Variants in OPHN1 observed in about 807,000 individuals in gnomAD.
OPHN1 encodes the protein oligophrenin-1.
Under a neutral mutation model 60.7 loss-of-function variants are expected in OPHN1, and 11 were observed. The observed-to-expected ratio is 0.18, with a 90% CI of 0.11 to 0.30. The LOEUF is 0.30. OPHN1 is among the 10% of genes least tolerant of loss of function. The pLI is 1.00. For synonymous variants in OPHN1, 226 were observed against 222.6 expected (o/e 1.02, Z -0.14); for missense variants, 449 against 611.0 (o/e 0.73, Z 2.80).
intron 20 of OPHN1, among the ~76,000 whole-genome samples, chrX:68,069,201 A>AGCAG (rs1713467063): frequency 8.9e-6 from 1 of 112,242 alleles, no homozygotes; most frequent in African/African-American, 3.2e-5. Flanking sequence ...CAAGTTATTC[A>AGCAG]GCAGGCTAGT....
intron 5 of OPHN1, among the ~76,000 whole-genome samples, chrX:68,238,515 T>C (rs1377965432): frequency 1.8e-5 from 2 of 111,406 alleles, no homozygotes; most frequent in African/African-American, 6.5e-5. Context: ...TGTATAATAT[T>C]AACGAAATCC....
chrX:68,344,016 C>T (rs772252330), intron 2 of OPHN1, among the ~76,000 whole-genome samples: 2 of 111,775 alleles, frequency 1.8e-5, no homozygotes, highest in Non-Finnish European at 3.8e-5. Context: ...GATTCACATA[C>T]ACATTTAAGT....
rs1040563663 is a variant in OPHN1 at position 68,278,068 on chromosome X, A to G, written c.313-3259T>C. Among the ~76,000 whole-genome samples, 3 of 111,868 alleles carry G rather than the reference A, an allele frequency of 2.7e-5. No homozygotes were observed. The Admixed American group carries it at 2.8e-4, about 11-fold the overall frequency. On this transcript the variant is annotated intron_variant, in intron 4 of 24. Transcript: ENST00000355520. ...CATGTTTGACCCCAGTTCAGTCTGA[A>G]AAATAGTCCATGCTTTACTAGAATT...
At position 68,279,238 on chromosome X, in the gene OPHN1, G is replaced by A. The variant is rs190844074; in HGVS notation, c.312+3818C>T. On this transcript the variant is annotated intron_variant, in intron 4 of 24. Transcript: ENST00000355520. ...GGTGATCCTCCCACCTCAGCCTCCC[G>A]AGTAGCTGGGACTAGAGATGCACGA... 6.1e-3 allele frequency among the ~76,000 whole-genome samples: 598 copies of A among 98,613 alleles called. 7 individuals carry two copies. The highest frequency in any genetic ancestry group is 0.021 in the African/African-American group (565 of 26,711). 85.6% of individuals were successfully genotyped at this position (98,613 alleles called of 115,157 possible).
rs186032827 is a variant in OPHN1 at position 68,225,466 on chromosome X, C to T, written c.486+9021G>A. 5.4e-5 allele frequency among the ~76,000 whole-genome samples: 6 copies of T among 112,107 alleles called. No individual in the cohort carries two copies. In the East Asian group the frequency reaches 1.4e-3, roughly 26 times the overall value. On this transcript the variant is annotated intron_variant, in intron 6 of 24. Coordinates refer to ENST00000355520, the MANE Select transcript of OPHN1 (RefSeq NM_002547.3). ...CCCTGAGTAGCCTAACTGGGAGAAA[C>T]CTCCCAGTAGGGGCCAACTGACAAC...
chrX:68,045,825 G>C lies in OPHN1; in HGVS notation c.*1347C>G, dbSNP rs1188249982. 9.0e-6 allele frequency: 1 copy of C among 111,664 alleles called. No individual in the cohort carries two copies. Among genetic ancestry groups the C allele is most frequent in the Non-Finnish European group, 1.9e-5 (1 of 53,161 alleles). The allele number at this position is 111,664 out of a possible 1,213,427, so 9.2% of individuals were successfully genotyped here. A position where few individuals can be genotyped will look rare whatever the true frequency, so the allele number is the denominator to read the frequency against. On this transcript the variant is annotated 3_prime_UTR_variant, in exon 25 of 25. Coordinates refer to ENST00000355520, the MANE Select transcript of OPHN1 (RefSeq NM_002547.3). ...AGGGTAAAAGCCAACCCCCAGAAAT[G>C]ATGGCCACTAAAGCCACAAACCACA...
At chrX:68,414,773 T>C (rs1170369290) in intron 2 of OPHN1, among the ~76,000 whole-genome samples, 2 of 111,548 alleles carry the variant, frequency 1.8e-5, no homozygotes, top group African/African-American at 6.5e-5. Flanking sequence ...GGCAACTAAA[T>C]GCCATTGTGC....
At chrX:68,177,539 A>T (rs769082246) in intron 15 of OPHN1, among the ~76,000 whole-genome samples, 1,513 of 48,435 alleles carry the variant, frequency 0.031, 16 homozygotes, top group Middle Eastern at 0.059. Flanking sequence ...AATTTAATTA[A>T]AAAAAAAGAG....
intron 15 of OPHN1, among the ~76,000 whole-genome samples, chrX:68,126,033 C>T (rs1428513004): frequency 1.0e-5 from 1 of 98,997 alleles, no homozygotes; most frequent in Non-Finnish European, 2.0e-5. Context: ...TTTAAAAATC[C>T]TTCATCATGA....
chrX:68,260,163 A>C (rs116784492), intron 5 of OPHN1, among the ~76,000 whole-genome samples: 1 of 110,015 alleles, frequency 9.1e-6, no homozygotes, highest in Non-Finnish European at 1.9e-5. Flanking sequence ...TTTTTCAGTA[A>C]CACCCCGACT....
Position 68,048,527 on chromosome X carries a change from G to A in OPHN1, c.2376-70C>T, listed in dbSNP as rs930741039. On this transcript the variant is annotated intron_variant, in intron 23 of 24. Transcript: ENST00000355520. ...ACTGGAAAGGTAAATTGGGGGAATGGGGGACACTTCTAGGCCAGTGCTAAA... is the reference window on the plus strand; with the variant it reads ...ACTGGAAAGGTAAATTGGGGGAATGAGGGACACTTCTAGGCCAGTGCTAAA... 168 of 976,879 alleles carry A rather than the reference G, an allele frequency of 1.7e-4. 1 individual carries two copies. Among genetic ancestry groups the A allele is most frequent in the Non-Finnish European group, 2.8e-5 (19 of 685,869 alleles). The allele number at this position is 976,879 out of a possible 1,213,427, so 80.5% of individuals were successfully genotyped here.
chrX:68,260,056 T>C (rs1442768484), intron 5 of OPHN1, among the ~76,000 whole-genome samples: 1 of 111,437 alleles, frequency 9.0e-6, no homozygotes, highest in Non-Finnish European at 1.9e-5. Flanking sequence ...TGTCAAAAAA[T>C]TTTCACAAAC....
Position 68,115,999 on chromosome X carries a change from G to A in OPHN1, c.1362-2760C>T, listed in dbSNP as rs1209607560. 2.7e-5 allele frequency among the ~76,000 whole-genome samples: 3 copies of A among 111,823 alleles called. No individual in the cohort carries two copies. In the Admixed American group the frequency reaches 2.8e-4, roughly 11 times the overall value. On this transcript the variant is annotated intron_variant, in intron 16 of 24. Coordinates refer to ENST00000355520, the MANE Select transcript of OPHN1 (RefSeq NM_002547.3). ...GACAACTCAAAGTGGGGGCTTCCAGGCTATAGGTAAATTTAAACATTTTCT... is the reference window on the plus strand; with the variant it reads ...GACAACTCAAAGTGGGGGCTTCCAGACTATAGGTAAATTTAAACATTTTCT...
chrX:68,353,491 T>G (rs2078424477), intron 2 of OPHN1, among the ~76,000 whole-genome samples: 1 of 107,557 alleles, frequency 9.3e-6, no homozygotes, highest in South Asian at 4.2e-4. Flanking sequence ...GGAGAATCGC[T>G]TGAACCCGGG....
chrX:68,344,595 C>T (rs1185458705), intron 2 of OPHN1, among the ~76,000 whole-genome samples: 1 of 110,523 alleles, frequency 9.0e-6, no homozygotes, highest in East Asian at 2.8e-4. Flanking sequence ...CTGGGGGACA[C>T]TGGGCAACGT....
chrX:68,162,784 T>TG (rs1350402463), intron 15 of OPHN1, among the ~76,000 whole-genome samples: 1 of 111,058 alleles, frequency 9.0e-6, no homozygotes, highest in Non-Finnish European at 1.9e-5. Context: ...CTTAATCAAG[T>TG]GAAAAAATAG....
intron 2 of OPHN1, among the ~76,000 whole-genome samples, chrX:68,363,645 T>C (rs769198907): frequency 8.0e-4 from 89 of 111,380 alleles, no homozygotes; most frequent in Non-Finnish European, 1.5e-3. Flanking sequence ...TTTGAAACAA[T>C]TGGGAGAGTA....
At position 68,174,500 on chromosome X, in the gene OPHN1, C is replaced by T. The variant is rs1374025992; in HGVS notation, c.1276+18419G>A. Among the ~76,000 whole-genome samples, 5 of 75,672 alleles carry T rather than the reference C, an allele frequency of 6.6e-5. 1 individual carries two copies. Among genetic ancestry groups the T allele is most frequent in the African/African-American group, 2.7e-4 (5 of 18,518 alleles). 65.7% of individuals were successfully genotyped at this position (75,672 alleles called of 115,157 possible). On this transcript the variant is annotated intron_variant, in intron 15 of 24. Coordinates refer to ENST00000355520, the MANE Select transcript of OPHN1 (RefSeq NM_002547.3). ...TTTTTTTTTTTTTTTGAGACAGAGTCTCACTCTATCACCCAGGCTGGAGTG... is the reference window on the plus strand; with the variant it reads ...TTTTTTTTTTTTTTTGAGACAGAGTTTCACTCTATCACCCAGGCTGGAGTG...
intron 2 of OPHN1, among the ~76,000 whole-genome samples, chrX:68,421,025 A>G (rs1367913227): frequency 1.8e-5 from 2 of 111,201 alleles, no homozygotes; most frequent in African/African-American, 6.5e-5. Flanking sequence ...CATCTGAAAT[A>G]TGAAGGCATT....
Sources: allele counts gnomAD v4.1 joint callset (sites outside exome capture counted in the v4.1 genomes callset), GRCh38; gene constraint gnomAD v4.1.1; transcripts MANE v1.5; gene names NCBI Gene and HGNC (gene_info 2026-07-23, HGNC 2026-07-21).